ZNF407: variants seen among roughly 807,000 people sequenced by gnomAD.
The protein encoded by ZNF407 is zinc finger protein 407.
In ZNF407, 17 loss-of-function variants were observed where a neutral mutation model predicts 131.2. The ratio of observed to expected loss-of-function variants is 0.13; its 90% CI spans 0.09 to 0.19. The LOEUF (loss-of-function observed/expected upper bound fraction) is 0.19. ZNF407 is among the 10% of genes least tolerant of loss of function. The pLI is 1.00. For synonymous variants in ZNF407, 1,156 were observed against 1,062.0 expected, an observed-to-expected ratio of 1.09 and a Z score of -1.72; for missense variants, 2,681 against 2,830.6, an observed-to-expected ratio of 0.95 and a Z score of 1.20.
intron 3 of ZNF407, among the ~76,000 whole-genome samples, chr18:74,772,653 C>T (rs561361886): frequency 3.3e-5 from 5 of 152,086 alleles, no homozygotes; most frequent in African/African-American, 9.6e-5. Flanking sequence ...AGTTAGAATA[C>T]CTGATTTTGA....
At chr18:74,690,076 G>C (rs546455418) in intron 3 of ZNF407, among the ~76,000 whole-genome samples, 1 of 152,208 alleles carries the variant, frequency 6.6e-6, no homozygotes, top group African/African-American at 2.4e-5. Flanking sequence ...ATTGCCAAAC[G>C]CTTGTGATGT....
intron 3 of ZNF407, among the ~76,000 whole-genome samples, chr18:74,692,884 A>G (rs1967261576): frequency 6.6e-6 from 1 of 151,770 alleles, no homozygotes; most frequent in South Asian, 2.1e-4. Context: ...CTGCTGTGTG[A>G]GGCTTTTGCT....
chr18:74,786,799 T>G (rs1263649996), intron 4 of ZNF407, among the ~76,000 whole-genome samples: 8 of 108,848 alleles, frequency 7.3e-5, no homozygotes, highest in South Asian at 3.6e-4. Flanking sequence ...GTATGTTTTT[T>G]TTTTTTTTTT....
Position 74,884,101 on chromosome 18 carries a change from G to A in ZNF407, c.5128+2982G>A, listed in dbSNP as rs549057377. 3.3e-5 allele frequency among the ~76,000 whole-genome samples: 5 copies of A among 152,316 alleles called. No homozygotes were observed. The South Asian group carries it at 8.3e-4, about 25-fold the overall frequency. ...AATATGCACCAAACCTGTTTGATCAGTCTGCCATCAGTTTTTCCTTAACAG... is the reference window on the plus strand; with the variant it reads ...AATATGCACCAAACCTGTTTGATCAATCTGCCATCAGTTTTTCCTTAACAG... On this transcript the variant is annotated intron_variant, in intron 6 of 8. Transcript: ENST00000299687.
At chr18:74,699,600 G>A (rs148149666) in intron 3 of ZNF407, among the ~76,000 whole-genome samples, 5 of 152,148 alleles carry the variant, frequency 3.3e-5, no homozygotes, top group Non-Finnish European at 4.4e-5. Flanking sequence ...AGGATGAGGC[G>A]AGCTACTCCA....
At position 74,634,169 on chromosome 18, in the gene ZNF407, A is replaced by G. The variant is rs200465885; in HGVS notation, c.3150A>G (p.Ala1050=). The change falls in exon 2 of 9, where the codon GCA becomes GCG. Residue 1050 remains alanine, a synonymous_variant. Coordinates refer to ENST00000299687, the MANE Select transcript of ZNF407 (RefSeq NM_017757.3). ...HTKEFEFYCM[A]CDYYAVTRRE... ...AAGAGTTTGAGTTTTATTGCATGGC[A>G]TGCGATTACTACGCGGTGACTCGTC... 56 of 1,614,088 alleles carry G rather than the reference A, an allele frequency of 3.5e-5. No homozygotes were observed. The Admixed American group carries it at 8.7e-4, about 25-fold the overall frequency.
At chr18:74,909,403 C>G (rs1971639127) in intron 7 of ZNF407, among the ~76,000 whole-genome samples, 1 of 152,076 alleles carries the variant, frequency 6.6e-6, no homozygotes, top group African/African-American at 2.4e-5. Context: ...CTCATGATGG[C>G]ATTCTGAGGT....
chr18:74,741,413 A>G (rs574290043), intron 3 of ZNF407, among the ~76,000 whole-genome samples: 18 of 152,256 alleles, frequency 1.2e-4, no homozygotes, highest in African/African-American at 4.1e-4. Flanking sequence ...TTGGATAATC[A>G]TATATTTACT....
intron 3 of ZNF407, among the ~76,000 whole-genome samples, chr18:74,658,104 C>CTTTA (rs10641679): frequency 0.058 from 8,763 of 151,002 alleles, 725 homozygotes; most frequent in African/African-American, 0.19. Context: ...CAGCAGTTGT[C>CTTTA]TTTATTTATT....
At chr18:75,047,738 C>A (rs551693120) in intron 8 of ZNF407, among the ~76,000 whole-genome samples, 1 of 152,238 alleles carries the variant, frequency 6.6e-6, no homozygotes, top group Non-Finnish European at 1.5e-5. Flanking sequence ...ATCAAATGGA[C>A]ATATATAAAA....
At chr18:74,662,474 A>G (rs957500750) in intron 3 of ZNF407, among the ~76,000 whole-genome samples, 1 of 152,240 alleles carries the variant, frequency 6.6e-6, no homozygotes, top group Non-Finnish European at 1.5e-5. Flanking sequence ...TAGGCTTGAA[A>G]TAAGTTCATA....
intron 1 of ZNF407, among the ~76,000 whole-genome samples, chr18:74,613,580 T>A (rs1000842489): frequency 1.3e-5 from 2 of 152,272 alleles, no homozygotes; most frequent in Non-Finnish European, 2.9e-5. Context: ...GTGGCAAGGA[T>A]GCCTGCATTT....
chr18:74,627,730 C>A (rs559633575), intron 1 of ZNF407, among the ~76,000 whole-genome samples: 1 of 152,030 alleles, frequency 6.6e-6, no homozygotes, highest in South Asian at 2.1e-4. Flanking sequence ...GCTTGTGTAC[C>A]GAGAAATCCT....
At chr18:75,004,447 A>G (rs770548942) in intron 8 of ZNF407, among the ~76,000 whole-genome samples, 5 of 152,194 alleles carry the variant, frequency 3.3e-5, no homozygotes, top group Non-Finnish European at 7.3e-5. Flanking sequence ...CCAGAGCAGG[A>G]CAGGCCCGTG....
intron 3 of ZNF407, among the ~76,000 whole-genome samples, chr18:74,766,662 C>T (rs1241726085): frequency 6.6e-6 from 1 of 152,166 alleles, no homozygotes. Flanking sequence ...AGAAGATACA[C>T]TTCTAGCCAA....
At position 74,631,491 on chromosome 18, in the gene ZNF407, G is replaced by T. The variant is rs1388199378; in HGVS notation, c.472G>T (p.Val158Phe). The T allele has an allele frequency of 4.3e-6, 7 of 1,613,824 alleles. No individual in the cohort carries two copies. The highest frequency in any genetic ancestry group is 4.2e-6 in the Non-Finnish European group (5 of 1,179,904). Residue 158 changes from valine to phenylalanine, a missense_variant, in exon 2 of 9, where the codon GTT becomes TTT. Coordinates refer to ENST00000299687, the MANE Select transcript of ZNF407 (RefSeq NM_017757.3). ...TGAAAAAACATCTGCTCAGGAAATG[G>T]TTTCCCTTGATCTGGAAAGAGAATC... ...DTEKTSAQEM[V>F]SLDLERESPF...
intron 8 of ZNF407, among the ~76,000 whole-genome samples, chr18:75,002,729 C>T (rs921509127): frequency 1.1e-4 from 16 of 151,128 alleles, no homozygotes; most frequent in Admixed American, 4.6e-4. Flanking sequence ...GGCGTGAACC[C>T]GGGAGGTGGA....
intron 4 of ZNF407, among the ~76,000 whole-genome samples, chr18:74,810,977 C>T (rs1970185504): frequency 1.3e-5 from 2 of 152,066 alleles, no homozygotes; most frequent in Non-Finnish European, 2.9e-5. Flanking sequence ...AAAGCAATGG[C>T]CAAAAACAAA....
chr18:74,903,015 G>T (rs926969039), intron 7 of ZNF407, among the ~76,000 whole-genome samples: 3 of 152,100 alleles, frequency 2.0e-5, no homozygotes, highest in African/African-American at 7.2e-5. Flanking sequence ...AAATTTTATG[G>T]CTGCCCTTGC....
Sources: allele counts gnomAD v4.1 joint callset (sites outside exome capture counted in the v4.1 genomes callset), GRCh38; gene constraint gnomAD v4.1.1; transcripts MANE v1.5; gene names NCBI Gene and HGNC (gene_info 2026-07-23, HGNC 2026-07-21).